The following DCT variants were observed in gnomAD, a reference collection of about 807,000 sequenced individuals.
DCT encodes the protein dopachrome tautomerase.
In DCT, 47 loss-of-function variants were observed where a neutral mutation model predicts 53.0. The ratio of observed to expected loss-of-function variants is 0.89; its 90% CI spans 0.70 to 1.13. The LOEUF is 1.13. Ranked by LOEUF, DCT falls within the 50% of genes most tolerant of loss-of-function variation. The pLI is 0.00. For synonymous variants in DCT, 244 were observed against 237.0 expected (o/e 1.03, Z -0.27); for missense variants, 669 against 637.4 (o/e 1.05, Z -0.53).
chr13:94,482,084 C>T (rs1217974189), upstream of DCT, among the ~76,000 whole-genome samples: 1 of 152,200 alleles, frequency 6.6e-6, no homozygotes, highest in East Asian at 1.9e-4. Flanking sequence ...AACATTCAGG[C>T]ATACGATCAG....
In DCT at chr13:94,466,546, G is replaced by A; in HGVS notation, c.696+12C>T. ...AAAAATTAAAAGAACTAAATGCATA[G>A]TTTTGACCTACCTGGAGATCTCTTT... On this transcript the variant is annotated intron_variant, in intron 3 of 7. Transcript: ENST00000377028. 6.4e-7 allele frequency: 1 copy of A among 1,572,186 alleles called. No individual in the cohort carries two copies. The highest frequency in any genetic ancestry group is 8.7e-7 in the Non-Finnish European group (1 of 1,155,270).
the DCT span, among the ~76,000 whole-genome samples, chr13:94,502,896 G>A: frequency 6.6e-6 from 1 of 152,080 alleles, no homozygotes; most frequent in Non-Finnish European, 1.5e-5. Context: ...CCACCTTTCT[G>A]TGACTCAGTG....
the DCT span, among the ~76,000 whole-genome samples, chr13:94,521,562 C>T: frequency 2.0e-5 from 3 of 152,124 alleles, no homozygotes; most frequent in South Asian, 2.1e-4. Flanking sequence ...CCCAGCTACT[C>T]GAGAGGCTGA....
the DCT span, among the ~76,000 whole-genome samples, chr13:94,514,115 T>A: frequency 6.6e-6 from 1 of 151,976 alleles, no homozygotes; most frequent in Non-Finnish European, 1.5e-5. Context: ...GCACTTGGGC[T>A]TTCCAGAGAT....
At chr13:94,480,058 A>G (rs1280181045), upstream of DCT, among the ~76,000 whole-genome samples, 1 of 152,182 alleles carries the variant, frequency 6.6e-6, no homozygotes, top group Non-Finnish European at 1.5e-5. Flanking sequence ...GGGGTCATGC[A>G]ACTTCAAAAA....
chr13:94,468,969 T>C lies in DCT; in HGVS notation c.372A>G (p.Pro124=), dbSNP rs766974782. 6.2e-7 allele frequency: 1 copy of C among 1,614,142 alleles called. No homozygotes were observed. Among genetic ancestry groups the C allele is most frequent in the East Asian group, 2.2e-5 (1 of 44,876 alleles). Residue 124 remains proline (P), a synonymous_variant, in exon 2 of 8, where the codon CCA becomes CCG. Transcript: ENST00000377028. Reference sequence around the variant, plus strand: ...AGGAATGGATGTTCTGCCGAATCACTGGTGGTTTCTTCCGCTCGCAGTTGG... The same window carrying C: ...AGGAATGGATGTTCTGCCGAATCACCGGTGGTTTCTTCCGCTCGCAGTTGG... ...TGPNCERKKP[P]VIRQNIHSLS...
chr13:94,513,048 G>T, the DCT span, among the ~76,000 whole-genome samples: 1 of 152,322 alleles, frequency 6.6e-6, no homozygotes, highest in East Asian at 1.9e-4. Context: ...GTGCCATTCT[G>T]TTAAGTCAAA....
the DCT span, among the ~76,000 whole-genome samples, chr13:94,509,871 A>G: frequency 6.6e-6 from 1 of 152,190 alleles, no homozygotes; most frequent in Non-Finnish European, 1.5e-5. Flanking sequence ...TGGGTCAGGA[A>G]TCATGTGCCC....
At chr13:94,456,105 C>G (rs1883397376) in intron 6 of DCT, among the ~76,000 whole-genome samples, 1 of 152,192 alleles carries the variant, frequency 6.6e-6, no homozygotes, top group African/African-American at 2.4e-5. Context: ...TAGAGAAAAG[C>G]AAAGATCGCT....
At chr13:94,449,128 A>G (rs1882924821) in intron 6 of DCT, among the ~76,000 whole-genome samples, 1 of 150,996 alleles carries the variant, frequency 6.6e-6, no homozygotes, top group Non-Finnish European at 1.5e-5. Context: ...GCCATAATGG[A>G]AAAAAAAATG....
chr13:94,523,731 T>C, the DCT span, among the ~76,000 whole-genome samples: 44 of 152,298 alleles, frequency 2.9e-4, no homozygotes, highest in East Asian at 4.4e-3. Flanking sequence ...CCTGCCCTAA[T>C]TGGGGAGAAA....
intron 7 of DCT, 90 bp from the exon 8 acceptor site, chr13:94,440,166 G>T: frequency 9.3e-7 from 1 of 1,070,622 alleles, no homozygotes; most frequent in Non-Finnish European, 1.3e-6. Flanking sequence ...TGCCTTTCAC[G>T]TGCTTTTTGT....
the DCT span, among the ~76,000 whole-genome samples, chr13:94,502,244 C>T: frequency 2.1e-5 from 3 of 143,826 alleles, 1 homozygote; most frequent in Non-Finnish European, 4.5e-5. Context: ...CCAGCCCCCA[C>T]TTCTGAGGCT....
chr13:94,445,000 T>C (rs980270016), intron 6 of DCT, among the ~76,000 whole-genome samples: 3 of 152,224 alleles, frequency 2.0e-5, no homozygotes, highest in Non-Finnish European at 4.4e-5. Flanking sequence ...ACACTTTGCA[T>C]ACAGTGCAAA....
At chr13:94,514,461 A>C in the DCT span, among the ~76,000 whole-genome samples, 1 of 152,250 alleles carries the variant, frequency 6.6e-6, no homozygotes, top group Non-Finnish European at 1.5e-5. Flanking sequence ...GCTAGTAAGC[A>C]AAGTGAGCAG....
At chr13:94,440,676 GTTTT>G (rs761688508) in intron 7 of DCT, among the ~76,000 whole-genome samples, 1 of 98,054 alleles carries the variant, frequency 1.0e-5, no homozygotes, top group South Asian at 3.7e-4. Context: ...TCATTTTTTG[GTTTT>G]TTTTTTTTTT....
chr13:94,497,191 G>T, the DCT span, among the ~76,000 whole-genome samples: 1 of 151,990 alleles, frequency 6.6e-6, no homozygotes, highest in African/African-American at 2.4e-5. Context: ...ACCAGATGAC[G>T]GCCTGAATAG....
the DCT span, among the ~76,000 whole-genome samples, chr13:94,515,413 T>G: frequency 0.35 from 53,142 of 152,080 alleles, 9,704 homozygotes; most frequent in East Asian, 0.61. Context: ...TACAAAAGAA[T>G]ACACAGAATT....
In DCT at chr13:94,438,326, G is replaced by A. The variant is rs1260305667; in HGVS notation, c.*1572C>T. 4 of 191,466 alleles carry A rather than the reference G, an allele frequency of 2.1e-5. No individual in the cohort carries two copies. Among genetic ancestry groups the A allele is most frequent in the South Asian group, 9.9e-5 (1 of 10,148 alleles). The allele number at this position is 191,466 out of a possible 1,614,324, so 11.9% of individuals were successfully genotyped here. Reference sequence around the variant, plus strand: ...TAAAAAGCCCAAGCAGGGCTTTACCGGGCTATCTTGATCTTCACCACTGAG... The same window carrying A: ...TAAAAAGCCCAAGCAGGGCTTTACCAGGCTATCTTGATCTTCACCACTGAG... On this transcript the variant is annotated 3_prime_UTR_variant, in exon 8 of 8. Transcript: ENST00000377028.
Sources: gnomAD v4.1 joint callset for allele counts (sites outside exome capture counted in the v4.1 genomes callset) on GRCh38, gnomAD v4.1.1 for gene constraint, MANE v1.5 for transcripts, NCBI Gene and HGNC (gene_info 2026-07-23, HGNC 2026-07-21) for gene names.